Variants in TACC2 observed in about 807,000 individuals in gnomAD.
TACC2 encodes the protein transforming acidic coiled-coil-containing protein 2.
TACC2 carries 137 observed loss-of-function variants against 227.3 expected under a neutral mutation model. The ratio of observed to expected loss-of-function variants is 0.60; its 90% CI spans 0.52 to 0.69. The LOEUF (loss-of-function observed/expected upper bound fraction) is 0.69, where lower values mean the gene tolerates loss of function less well. Among genes scored for constraint, TACC2 ranks in the 30% least tolerant of loss-of-function variants. The pLI is 0.00. For missense variants in TACC2, 3,470 were observed against 3,694.4 expected (o/e 0.94, Z 1.57); for synonymous variants, 1,523 against 1,487.5 (o/e 1.02, Z -0.55).
intron 2 of TACC2, among the ~76,000 whole-genome samples, chr10:122,040,549 A>G (rs1402414136): frequency 3.9e-5 from 6 of 152,156 alleles, no homozygotes; most frequent in African/African-American, 1.4e-4. Context: ...AGGGAAGGGC[A>G]ACCCTAACCC....
chr10:122,030,959 G>A lies in TACC2; in HGVS notation c.33+8945G>A, dbSNP rs189395080. On this transcript the variant is annotated intron_variant, in intron 2 of 22. Coordinates refer to ENST00000369005, the MANE Select transcript of TACC2 (RefSeq NM_206862.4). ...CAGCCTCCTGTGATCCCCCTCTTGG[G>A]TACCATGATCTACCTGGCCATCCAA... 5.3e-5 allele frequency among the ~76,000 whole-genome samples: 8 copies of A among 151,998 alleles called. No homozygotes were observed. In the East Asian group the frequency reaches 1.6e-3, roughly 30 times the overall value.
chr10:122,216,939 A>G, intron 11 of TACC2, 111 bp downstream of exon 11: 1 of 1,586,024 alleles, frequency 6.3e-7, no homozygotes. Flanking sequence ...CGTGATCATC[A>G]TTGTGAGATC....
At chr10:122,161,263 G>A (rs1397217163) in intron 7 of TACC2, among the ~76,000 whole-genome samples, 2 of 152,096 alleles carry the variant, frequency 1.3e-5, no homozygotes, top group African/African-American at 2.4e-5. Context: ...TTGTGTTTTT[G>A]ACAGCCGTGA....
intron 14 of TACC2, 65 bp downstream of exon 14, chr10:122,228,073 C>T: frequency 1.3e-6 from 2 of 1,522,218 alleles, no homozygotes; most frequent in Non-Finnish European, 1.8e-6. Flanking sequence ...GTATTGTCAC[C>T]AAGAAGGCCA....
Position 122,210,709 on chromosome 10 carries a change from A to T in TACC2, c.6284A>T (p.Asp2095Val). 1 of 1,614,068 alleles carries T rather than the reference A, an allele frequency of 6.2e-7. No homozygotes were observed. The highest frequency in any genetic ancestry group is 8.5e-7 in the Non-Finnish European group (1 of 1,180,008). ...RSLSLQASDFDGASSSGNPEA... is the reference protein window; with the variant it reads ...RSLSLQASDFVGASSSGNPEA... ...CTCAGCCTGCAAGCCAGTGACTTTG[A>T]TGGTGCTTCTTCCTCAGGCAATCCC... The change falls in exon 9 of 23, where the codon GAT becomes GTT. Residue 2095 changes from aspartate (D) to valine (V), a missense_variant. Around this residue, in one of 10 missense-constraint regions of TACC2, gnomAD observed 593 missense variants for 636.6 expected, o/e 0.93. Coordinates refer to ENST00000369005, the MANE Select transcript of TACC2 (RefSeq NM_206862.4). The surrounding 1 kb of genome is among the most constrained non-coding windows in gnomAD (Gnocchi z 4.6).
Position 122,084,840 on chromosome 10 carries a change from T to TC in TACC2, c.2347dup (p.Gln783ProfsTer45), listed in dbSNP as rs750901207. 59 of 1,612,984 alleles carry TC rather than the reference T, an allele frequency of 3.7e-5. No individual in the cohort carries two copies. In the Admixed American group the frequency reaches 7.0e-4, roughly 19 times the overall value. On this transcript the variant is annotated frameshift_variant, in exon 4 of 23. Coordinates refer to ENST00000369005, the MANE Select transcript of TACC2 (RefSeq NM_206862.4). LOFTEE classifies it high-confidence loss of function. ...AGGAATTTCATGCTGGGGTGCCACATCCCCCCCAGGGGGAGAACTTGGCAG... is the reference window on the plus strand; with the variant it reads ...AGGAATTTCATGCTGGGGTGCCACATCCCCCCCCAGGGGGAGAACTTGGCAG...
intron 1 of TACC2, among the ~76,000 whole-genome samples, chr10:121,999,549 T>C (rs973545370): frequency 1.4e-4 from 22 of 152,378 alleles, no homozygotes; most frequent in African/African-American, 5.3e-4. Context: ...GTGATATTAC[T>C]GTTTGCAGGG....
rs138407858 is a variant in TACC2 at position 122,242,019 on chromosome 10, C to T, written c.8392+18C>T. On this transcript the variant is annotated intron_variant, in intron 19 of 22. Transcript: ENST00000369005. ...GATGATAGGTAGGTGTCCTGACCTG[C>T]GGGGGCTCAGGCCGGCCCCGATGTT... 302 of 1,612,568 alleles carry T rather than the reference C, an allele frequency of 1.9e-4. No individual in the cohort carries two copies. Among genetic ancestry groups the T allele is most frequent in the African/African-American group, 9.9e-4 (74 of 75,022 alleles).
intron 6 of TACC2, among the ~76,000 whole-genome samples, chr10:122,137,836 TCACCTGTGAA>T (rs2089954949): frequency 6.6e-6 from 1 of 152,156 alleles, no homozygotes; most frequent in South Asian, 2.1e-4. Context: ...GCTTTTCTCC[TCACCTGTGAA>T]CAGGTTTGAG....
intron 3 of TACC2, among the ~76,000 whole-genome samples, chr10:122,059,251 C>T (rs1268151014): frequency 6.6e-6 from 1 of 151,936 alleles, no homozygotes; most frequent in Non-Finnish European, 1.5e-5. Context: ...CCAGGTGATT[C>T]TTCTGAGGAG....
At position 122,141,988 on chromosome 10, in the gene TACC2, C is replaced by T. The variant is rs1159641215; in HGVS notation, c.5700-1584C>T. Among the ~76,000 whole-genome samples, 1 of 152,200 alleles carries T rather than the reference C, an allele frequency of 6.6e-6. No homozygotes were observed. Among genetic ancestry groups the T allele is most frequent in the Non-Finnish European group, 1.5e-5 (1 of 68,036 alleles). ...AATGCCTCTGGTAGTTTGCATTATT[C>T]ATTTTGAGTCATTCTTTTACAAAAT... On this transcript the variant is annotated intron_variant, in intron 6 of 22. Transcript: ENST00000369005. The surrounding 1 kb of genome is among the most constrained non-coding windows in gnomAD (Gnocchi z 4.3).
chr10:122,205,529 TG>T lies in TACC2; in HGVS notation c.5972-4866del, dbSNP rs1455009166. On this transcript the variant is annotated intron_variant, in intron 8 of 22. Coordinates refer to ENST00000369005, the MANE Select transcript of TACC2 (RefSeq NM_206862.4). The surrounding 1 kb of genome is among the most constrained non-coding windows in gnomAD (Gnocchi z 4.5). The stretch of plus-strand genomic sequence containing the variant: ...TATCCTCAAAGCTGACTCATTTTTG[TG>T]GCCAAATACTAAAGTGTTACCCACT... Among the ~76,000 whole-genome samples the T allele has an allele frequency of 6.6e-6, 1 of 152,236 alleles. No individual in the cohort carries two copies. The highest frequency in any genetic ancestry group is 2.4e-5 in the African/African-American group (1 of 41,472).
rs1268686301 is a variant in TACC2 at position 122,068,039 on chromosome 10, T to G, written c.147-14608T>G. On this transcript the variant is annotated intron_variant, in intron 3 of 22. Coordinates refer to ENST00000369005, the MANE Select transcript of TACC2 (RefSeq NM_206862.4). ...TTTCAGTCTTAATTCTCTCTGTGTT[T>G]CATTTTAGAACATTTTTATCGCTAT... Among the ~76,000 whole-genome samples, 3 of 152,208 alleles carry G rather than the reference T, an allele frequency of 2.0e-5. 1 individual carries two copies. The highest frequency in any genetic ancestry group is 4.4e-5 in the Non-Finnish European group (3 of 68,028).
intron 1 of TACC2, among the ~76,000 whole-genome samples, chr10:122,009,514 C>T (rs1289363700): frequency 6.6e-6 from 1 of 151,932 alleles, no homozygotes; most frequent in Non-Finnish European, 1.5e-5. Context: ...AACAAAAGCC[C>T]ACAAAAAACA....
chr10:122,149,927 C>A (rs545399773), intron 7 of TACC2, among the ~76,000 whole-genome samples: 1 of 152,338 alleles, frequency 6.6e-6, no homozygotes, highest in East Asian at 1.9e-4. Context: ...GCCACGTCAC[C>A]GGCCGGTGAG....
Position 122,084,043 on chromosome 10 carries a change from C to T in TACC2, c.1543C>T (p.Pro515Ser). The part of the protein sequence containing the change: ...QSHEVQPGVP[P>S]PPLPKEQSHE... ...CCATGAGGTCCAACCAGGAGTACCA[C>T]CCCCTCCTCTTCCCAAGGAGCAAAG... The change falls in exon 4 of 23, where the codon CCC (proline) becomes TCC (serine). Residue 515 changes from proline to serine, a missense_variant. Transcript: ENST00000369005. 6.2e-7 allele frequency: 1 copy of T among 1,613,828 alleles called. No individual in the cohort carries two copies. The highest frequency in any genetic ancestry group is 1.3e-5 in the African/African-American group (1 of 74,926).
intron 8 of TACC2, among the ~76,000 whole-genome samples, chr10:122,199,392 C>T (rs540618531): frequency 1.3e-5 from 2 of 152,330 alleles, no homozygotes; most frequent in South Asian, 2.1e-4. Flanking sequence ...TCTTTGGGCC[C>T]GCCTCTGGTT....
chr10:122,058,083 C>A (rs117213543), intron 3 of TACC2, among the ~76,000 whole-genome samples: 1 of 152,246 alleles, frequency 6.6e-6, no homozygotes, highest in African/African-American at 2.4e-5. Context: ...TGGTTCAGCA[C>A]CCTGAGTGCC....
intron 1 of TACC2, among the ~76,000 whole-genome samples, chr10:121,994,102 C>T (rs1442212934): frequency 6.6e-6 from 1 of 152,156 alleles, no homozygotes; most frequent in African/African-American, 2.4e-5. Flanking sequence ...ATCTTTAATT[C>T]CCTGGCTACT....
Sources: gnomAD v4.1 joint callset for allele counts (sites outside exome capture counted in the v4.1 genomes callset) on GRCh38, gnomAD v4.1.1 for gene constraint, gnomAD v4.1.1 regional missense constraint, Gnocchi (gnomAD v3.1) non-coding constraint, MANE v1.5 for transcripts, NCBI Gene and HGNC (gene_info 2026-07-23, HGNC 2026-07-21) for gene names.